The following RARB variants were observed in gnomAD, a reference collection of about 807,000 sequenced individuals.
RARB encodes the protein HBV-activated protein.
A neutral mutation model predicts 51.9 loss-of-function variants in RARB; 17 were observed. That is an observed-to-expected ratio of 0.33 (90% CI 0.22 to 0.49). RARB has a LOEUF of 0.49. Ranked by LOEUF, RARB falls within the 20% of genes least tolerant of loss-of-function variation. The probability of loss-of-function intolerance (pLI) is 0.99; values close to 1 mark genes in which losing one functional copy is unlikely to be tolerated. For missense variants in RARB, 369 were observed against 550.8 expected (o/e 0.67, Z 3.30); for synonymous variants, 215 against 195.4 (o/e 1.10, Z -0.84).
At chr3:24,929,429 G>A (rs1006709195) in intron 2 of RARB, among the ~76,000 whole-genome samples, 15 of 152,068 alleles carry the variant, frequency 9.9e-5, no homozygotes, top group African/African-American at 3.6e-4. Flanking sequence ...GTTTTAAGGG[G>A]AAAAATGTTC....
At chr3:25,144,103 T>C (rs571785820) in intron 4 of RARB, among the ~76,000 whole-genome samples, 232 of 152,314 alleles carry the variant, frequency 1.5e-3, no homozygotes, top group African/African-American at 5.2e-3. Context: ...ACAACCTTAG[T>C]TCATACATTC....
chr3:25,256,805 G>GA (rs77197118), intron 5 of RARB, among the ~76,000 whole-genome samples: 48 of 148,996 alleles, frequency 3.2e-4, no homozygotes, highest in Admixed American at 6.0e-4. Context: ...TTAAAGTATG[G>GA]AAAAAAAAAA....
At chr3:25,060,714 G>C (rs1331700938) in intron 3 of RARB, among the ~76,000 whole-genome samples, 1 of 151,840 alleles carries the variant, frequency 6.6e-6, no homozygotes, top group East Asian at 1.9e-4. Flanking sequence ...GTTTATCATG[G>C]GAGTAGATGG....
chr3:25,245,827 T>C (rs1431292863), intron 5 of RARB, among the ~76,000 whole-genome samples: 1 of 152,200 alleles, frequency 6.6e-6, no homozygotes, highest in Non-Finnish European at 1.5e-5. Flanking sequence ...AGTATCTTTA[T>C]GGTGTTCTCT....
At chr3:25,424,066 A>T (rs1707926022), upstream of RARB, among the ~76,000 whole-genome samples, 2 of 152,370 alleles carry the variant, frequency 1.3e-5, no homozygotes, top group South Asian at 4.1e-4. Context: ...TGTGTAACCA[A>T]GTAGGAAGAC....
chr3:25,440,459 A>T (rs1184209098), intron 1 of RARB, among the ~76,000 whole-genome samples: 2 of 151,814 alleles, frequency 1.3e-5, no homozygotes, highest in Non-Finnish European at 1.5e-5. Context: ...AAATAAAAAA[A>T]AAAAAAGAAA....
chr3:24,832,875 T>G (rs1702300769), intron 1 of RARB, among the ~76,000 whole-genome samples: 1 of 151,974 alleles, frequency 6.6e-6, no homozygotes, highest in Non-Finnish European at 1.5e-5. Flanking sequence ...AACACTTCCC[T>G]AAATCATGGA....
intron 2 of RARB, among the ~76,000 whole-genome samples, chr3:24,964,045 T>C (rs1011801062): frequency 6.6e-6 from 1 of 152,138 alleles, no homozygotes; most frequent in Non-Finnish European, 1.5e-5. Flanking sequence ...TTGATATTTG[T>C]TTTTCATTCT....
chr3:24,990,330 C>T lies in RARB; in HGVS notation c.-379-69795C>T, dbSNP rs1339860717. Among the ~76,000 whole-genome samples, 2 of 33,726 alleles carry T rather than the reference C, an allele frequency of 5.9e-5. 1 individual carries two copies. The highest frequency in any genetic ancestry group is 2.9e-3 in the East Asian group (2 of 684). The allele number at this position is 33,726 out of a possible 152,430, so 22.1% of individuals were successfully genotyped here. On this transcript the variant is annotated intron_variant, in intron 2 of 11. Coordinates refer to the RARB transcript ENST00000383772. ...TCCTAATGCTATCCCTCCCCCCTCC[C>T]CCCACCCCACAACAGTCCCCAGAGT... is the stretch of plus-strand genomic sequence containing the variant.
intron 5 of RARB, among the ~76,000 whole-genome samples, chr3:25,353,106 TTCA>T (rs143238999): frequency 0.013 from 1,937 of 152,286 alleles, 42 homozygotes; most frequent in African/African-American, 0.043. Flanking sequence ...TGGAGATGTT[TTCA>T]TCATCAACAC....
chr3:25,444,989 G>A (rs1051627496), intron 1 of RARB, among the ~76,000 whole-genome samples: 1 of 151,536 alleles, frequency 6.6e-6, no homozygotes, highest in Non-Finnish European at 1.5e-5. Flanking sequence ...TTGCTCTGTC[G>A]CCCAGGCTGG....
intron 2 of RARB, among the ~76,000 whole-genome samples, chr3:24,900,994 G>A (rs955347507): frequency 6.6e-6 from 1 of 152,112 alleles, no homozygotes; most frequent in East Asian, 1.9e-4. Context: ...ACGCAACCAG[G>A]ACTTAAAATA....
intron 3 of RARB, among the ~76,000 whole-genome samples, chr3:25,552,852 G>A (rs1170434689): frequency 3.3e-5 from 5 of 152,142 alleles, no homozygotes; most frequent in South Asian, 2.1e-4. Context: ...GAAGCAGAGT[G>A]TTGAGTGAAT....
intron 5 of RARB, among the ~76,000 whole-genome samples, chr3:25,194,383 C>T (rs1701179304): frequency 6.6e-6 from 1 of 151,388 alleles, no homozygotes; most frequent in Non-Finnish European, 1.5e-5. Context: ...GGTGCTTTTA[C>T]CATATGCACA....
intron 3 of RARB, among the ~76,000 whole-genome samples, chr3:25,545,132 A>G (rs1338922871): frequency 6.6e-6 from 1 of 151,856 alleles, no homozygotes; most frequent in Admixed American, 6.6e-5. Context: ...TTTAGTAGAG[A>G]TGGGGTTTTA....
chr3:24,899,094 G>A (rs1407600286), intron 2 of RARB, among the ~76,000 whole-genome samples: 1 of 152,280 alleles, frequency 6.6e-6, no homozygotes, highest in Non-Finnish European at 1.5e-5. Flanking sequence ...CCCTGCCCCT[G>A]ACCTTCCATT....
intron 3 of RARB, among the ~76,000 whole-genome samples, chr3:25,569,442 C>G (rs772045621): frequency 6.6e-5 from 10 of 152,250 alleles, no homozygotes; most frequent in Admixed American, 3.3e-4. Context: ...AAAAATCCTT[C>G]TCTCTTCAAG....
intron 4 of RARB, among the ~76,000 whole-genome samples, chr3:25,135,963 T>C (rs9871379): frequency 0.57 from 87,078 of 151,650 alleles, 25,282 homozygotes; most frequent in East Asian, 0.7. Context: ...AAATTTTAAA[T>C]GTTATACAAG....
intron 5 of RARB, among the ~76,000 whole-genome samples, chr3:25,308,532 C>G (rs142104126): frequency 0.029 from 4,315 of 151,186 alleles, 228 homozygotes; most frequent in African/African-American, 0.099. Context: ...TACTGCAACC[C>G]CTGCCTCCCA....
Sources: allele counts gnomAD v4.1 joint callset (sites outside exome capture counted in the v4.1 genomes callset), GRCh38; gene constraint gnomAD v4.1.1; transcripts MANE v1.5; gene names NCBI Gene and HGNC (gene_info 2026-07-23, HGNC 2026-07-21).